SLC25A48: variants seen among roughly 807,000 people sequenced by gnomAD.
SLC25A48 encodes solute carrier family 25 member 48.
SLC25A48 carries 29 observed loss-of-function variants against 32.2 expected under a neutral mutation model. That is an observed-to-expected ratio of 0.90 (90% confidence interval 0.67 to 1.23). The LOEUF (loss-of-function observed/expected upper bound fraction) is 1.23. SLC25A48 is among the 50% of genes most tolerant of loss of function. The pLI is 0.00. For missense variants in SLC25A48, 399 were observed against 422.7 expected (o/e 0.94, Z 0.49); for synonymous variants, 164 against 172.3 (o/e 0.95, Z 0.38).
chr5:135,669,191 G>A (rs1342730203), intron 3 of SLC25A48, among the ~76,000 whole-genome samples: 2 of 152,124 alleles, frequency 1.3e-5, no homozygotes, highest in Non-Finnish European at 2.9e-5. Flanking sequence ...GGCCTTCAAA[G>A]AACCTATCTG....
chr5:135,832,878 G>A (rs1256885742), upstream of SLC25A48, among the ~76,000 whole-genome samples: 1 of 152,224 alleles, frequency 6.6e-6, no homozygotes, highest in African/African-American at 2.4e-5. Context: ...GTCATGCAGG[G>A]AGTGGATCTC....
At chr5:135,757,271 A>G (rs772346607) in intron 3 of SLC25A48, among the ~76,000 whole-genome samples, 1 of 149,712 alleles carries the variant, frequency 6.7e-6, no homozygotes, top group Non-Finnish European at 1.5e-5. Flanking sequence ...CACCTATATG[A>G]TATTTATAAT....
At chr5:135,580,852 T>C (rs750020685) in intron 1 of SLC25A48, among the ~76,000 whole-genome samples, 1 of 152,204 alleles carries the variant, frequency 6.6e-6, no homozygotes, top group Non-Finnish European at 1.5e-5. Context: ...ATGTAGTCTT[T>C]AATAACCTGC....
Position 135,777,324 on chromosome 5 carries a change from A to G in SLC25A48, c.-520-35199A>G, listed in dbSNP as rs1398181383. Among the ~76,000 whole-genome samples the G allele has an allele frequency of 2.0e-5, 3 of 151,712 alleles. No individual in the cohort carries two copies. In the Admixed American group the frequency reaches 2.0e-4, roughly 10 times the overall value. On this transcript the variant is annotated intron_variant, in intron 3 of 10. Coordinates refer to the SLC25A48 transcript ENST00000646290. ...AAAGGGTTTACAGCCCCACCCCCCA[A>G]TATTGTTCCCAATATCCAAAAAGAG...
chr5:135,701,889 T>A (rs1754403596), intron 3 of SLC25A48, among the ~76,000 whole-genome samples: 1 of 152,266 alleles, frequency 6.6e-6, no homozygotes, highest in Admixed American at 6.5e-5. Flanking sequence ...AAAAAATTAA[T>A]CTGACCATGT....
upstream of SLC25A48, among the ~76,000 whole-genome samples, chr5:135,831,554 G>A (rs1013989208): frequency 2.0e-5 from 3 of 152,210 alleles, no homozygotes; most frequent in African/African-American, 4.8e-5. Flanking sequence ...TTCAAGAAAG[G>A]CCTGTCAGGA....
At chr5:135,682,230 T>G (rs956939300) in intron 3 of SLC25A48, among the ~76,000 whole-genome samples, 2 of 152,184 alleles carry the variant, frequency 1.3e-5, no homozygotes, top group Non-Finnish European at 2.9e-5. Context: ...GTTTCCCTTC[T>G]CTTGGGGACC....
At chr5:135,632,319 G>C (rs994690302) in intron 2 of SLC25A48, among the ~76,000 whole-genome samples, 2 of 152,212 alleles carry the variant, frequency 1.3e-5, no homozygotes, top group Non-Finnish European at 2.9e-5. Flanking sequence ...GATTAGAGAA[G>C]GGAACCTGGA....
chr5:135,811,273 T>C (rs1030629093), intron 3 of SLC25A48, among the ~76,000 whole-genome samples: 1 of 152,154 alleles, frequency 6.6e-6, no homozygotes, highest in Non-Finnish European at 1.5e-5. Flanking sequence ...ATTTGTGACA[T>C]GGATGAGCCT....
intron 3 of SLC25A48, among the ~76,000 whole-genome samples, chr5:135,766,786 G>A (rs1428938655): frequency 6.6e-6 from 1 of 151,728 alleles, no homozygotes; most frequent in Non-Finnish European, 1.5e-5. Context: ...ATACGGGGTG[G>A]GAGAGGGTGA....
At chr5:135,664,577 C>T (rs949940393) in intron 3 of SLC25A48, among the ~76,000 whole-genome samples, 4 of 152,114 alleles carry the variant, frequency 2.6e-5, no homozygotes, top group Non-Finnish European at 1.5e-5. Flanking sequence ...TTTTTTATTC[C>T]TCACCCCCAA....
intron 3 of SLC25A48, among the ~76,000 whole-genome samples, chr5:135,769,261 G>GA (rs1481282358): frequency 5.1e-5 from 7 of 138,190 alleles, no homozygotes; most frequent in Non-Finnish European, 7.8e-5. Context: ...TGCAATATTG[G>GA]GGGGGGAGAA....
At chr5:135,809,588 A>G (rs1361040836) in intron 3 of SLC25A48, among the ~76,000 whole-genome samples, 1 of 152,152 alleles carries the variant, frequency 6.6e-6, no homozygotes, top group African/African-American at 2.4e-5. Context: ...AAGATCTAGA[A>G]CATCCTGTCT....
chr5:135,749,362 C>G (rs901622457), intron 3 of SLC25A48, among the ~76,000 whole-genome samples: 4 of 152,006 alleles, frequency 2.6e-5, no homozygotes, highest in Non-Finnish European at 4.4e-5. Flanking sequence ...CCCCCTCCCC[C>G]AGCCAAACCC....
intron 1 of SLC25A48, among the ~76,000 whole-genome samples, chr5:135,627,946 A>T (rs1752475168): frequency 6.6e-6 from 1 of 152,126 alleles, no homozygotes; most frequent in African/African-American, 2.4e-5. Flanking sequence ...GAGATGAAGG[A>T]TACAGGCCCT....
chr5:135,815,141 TA>T (rs1472714552), intron 4 of SLC25A48, among the ~76,000 whole-genome samples: 1 of 152,228 alleles, frequency 6.6e-6, no homozygotes, highest in East Asian at 1.9e-4. Context: ...GGATGTACTC[TA>T]AAGCAGCGGT....
intron 4 of SLC25A48, chr5:135,824,903 AACAGGCCCCTGG>A (rs1411123699): frequency 3.9e-5 from 6 of 152,196 alleles, no homozygotes; most frequent in African/African-American, 1.4e-4. Context: ...CCCAGACTCT[AACAGGCCCCTGG>A]ACAGGCCCCT....
chr5:135,764,647 G>C (rs1276848867), intron 3 of SLC25A48, among the ~76,000 whole-genome samples: 2 of 148,038 alleles, frequency 1.4e-5, no homozygotes, highest in Admixed American at 1.3e-4. Context: ...GGGAGAGGGT[G>C]ATATTACTTC....
At chr5:135,758,441 G>A (rs985840175) in intron 3 of SLC25A48, among the ~76,000 whole-genome samples, 10 of 150,554 alleles carry the variant, frequency 6.6e-5, no homozygotes, top group Non-Finnish European at 1.3e-4. Context: ...TTAATATACT[G>A]AGATATTAAT....
Sources: allele counts gnomAD v4.1 joint callset (sites outside exome capture counted in the v4.1 genomes callset), GRCh38; gene constraint gnomAD v4.1.1; transcripts MANE v1.5; gene names NCBI Gene and HGNC (gene_info 2026-07-23, HGNC 2026-07-21).